Variants in BEND7 observed in about 807,000 individuals in gnomAD.
The protein encoded by BEND7 is BEN domain-containing protein 7.
BEND7 carries 28 observed loss-of-function variants against 50.9 expected under a neutral mutation model. That is an observed-to-expected ratio of 0.55 (90% confidence interval 0.41 to 0.75). BEND7 has a LOEUF of 0.75. BEND7 is among the 30% of genes least tolerant of loss of function. The probability of loss-of-function intolerance (pLI) is 0.00; values close to 1 mark genes in which losing one functional copy is unlikely to be tolerated. For missense variants in BEND7, 477 were observed against 491.3 expected, an observed-to-expected ratio of 0.97 and a Z score of 0.28; for synonymous variants, 170 against 183.9, an observed-to-expected ratio of 0.92 and a Z score of 0.61.
chr10:13,490,762 A>G (rs1387343600), intron 5 of BEND7, among the ~76,000 whole-genome samples: 1 of 152,134 alleles, frequency 6.6e-6, no homozygotes, highest in African/African-American at 2.4e-5. Flanking sequence ...CAGCTGTTCT[A>G]GCAACACTGG....
chr10:13,439,470 A>C (rs754496069), downstream of BEND7: 41 of 1,612,164 alleles, frequency 2.5e-5, no homozygotes, highest in Non-Finnish European at 3.3e-5. Flanking sequence ...CCCACCCGGC[A>C]GAACAGTGCA....
chr10:13,474,197 C>T lies in BEND7; in HGVS notation c.1063+6702G>A, dbSNP rs140438184. On this transcript the variant is annotated intron_variant, in intron 6 of 8. Transcript: ENST00000466271. ...TAGATTTCGGGTCAATATCCATCAT[C>T]GCTGTTAGACTCGGGGCCGACATCC... Among the ~76,000 whole-genome samples, 647 of 151,780 alleles carry T rather than the reference C, an allele frequency of 4.3e-3. 4 individuals are homozygous for T. The highest frequency in any genetic ancestry group is 7.2e-3 in the Non-Finnish European group (490 of 67,924).
chr10:13,528,556 G>A lies in BEND7; in HGVS notation c.-23C>T, dbSNP rs2079566597. 8 of 1,006,562 alleles carry A rather than the reference G, an allele frequency of 7.9e-6. No homozygotes were observed. Among genetic ancestry groups the A allele is most frequent in the Non-Finnish European group, 9.5e-6 (8 of 846,064 alleles). 62.4% of individuals were successfully genotyped at this position (1,006,562 alleles called of 1,614,324 possible). A position where few individuals can be genotyped will look rare whatever the true frequency, so the allele number is the denominator to read the frequency against. ...CATGGTGCGGGGAAGGCGGCGGCGG[G>A]GGCTGAGGAGGCGGCGGCAGCGGCG... On this transcript the variant is annotated 5_prime_UTR_variant, in exon 1 of 9. Transcript: ENST00000466271.
chr10:13,523,270 G>A lies in BEND7; in HGVS notation c.145+2868C>T, dbSNP rs536738590. Among the ~76,000 whole-genome samples the A allele has an allele frequency of 8.5e-5, 13 of 152,316 alleles. No individual in the cohort carries two copies. The East Asian group carries it at 1.5e-3, about 18-fold the overall frequency. On this transcript the variant is annotated intron_variant, in intron 2 of 8. Transcript: ENST00000466271. ...GTCAATGTCCACAGGGTAAAGTAAC[G>A]TCTTCTGACCCTATTATCCAATTAA...
At chr10:13,449,092 CA>C (rs1837113371) in intron 7 of BEND7, among the ~76,000 whole-genome samples, 1 of 151,814 alleles carries the variant, frequency 6.6e-6, no homozygotes, top group African/African-American at 2.4e-5. Context: ...AAATATGGCA[CA>C]TACTGAAATG....
intron 6 of BEND7, among the ~76,000 whole-genome samples, chr10:13,469,703 T>C (rs1369932744): frequency 6.6e-6 from 1 of 152,124 alleles, no homozygotes; most frequent in Non-Finnish European, 1.5e-5. Flanking sequence ...TCTCAATCTC[T>C]CGACCTCATG....
chr10:13,483,863 G>A (rs1398957498), intron 5 of BEND7, among the ~76,000 whole-genome samples: 2 of 152,172 alleles, frequency 1.3e-5, no homozygotes, highest in Admixed American at 6.5e-5. Context: ...CTCAGGAGGG[G>A]ATAGGACAGT....
At chr10:13,490,872 C>T (rs893120767) in intron 5 of BEND7, among the ~76,000 whole-genome samples, 12 of 151,906 alleles carry the variant, frequency 7.9e-5, no homozygotes, top group African/African-American at 1.9e-4. Flanking sequence ...GGTGTAATCT[C>T]GGCTCACTGC....
intron 7 of BEND7, among the ~76,000 whole-genome samples, chr10:13,450,410 G>C (rs894807352): frequency 1.3e-5 from 2 of 152,194 alleles, no homozygotes; most frequent in African/African-American, 2.4e-5. Flanking sequence ...GGTTCCTATC[G>C]GCATCATGGA....
At chr10:13,479,150 G>A (rs973231064) in intron 6 of BEND7, among the ~76,000 whole-genome samples, 1 of 151,958 alleles carries the variant, frequency 6.6e-6, no homozygotes, top group Non-Finnish European at 1.5e-5. Context: ...GGGACTACAG[G>A]TGTGCATCAT....
At chr10:13,500,513 C>A in intron 2 of BEND7, 1 of 991,860 alleles carries the variant, frequency 1.0e-6, no homozygotes, top group Non-Finnish European at 1.2e-6. Flanking sequence ...TGCTCACTGT[C>A]TGTCAGCTTC....
upstream of BEND7, among the ~76,000 whole-genome samples, chr10:13,529,236 G>T (rs1263080265): frequency 6.8e-6 from 1 of 147,730 alleles, no homozygotes; most frequent in Admixed American, 6.7e-5. Flanking sequence ...CCCCGGGGAC[G>T]ACGCCGCCGC....
chr10:13,499,720 G>A, intron 3 of BEND7, 58 bp downstream of exon 3: 1 of 880,320 alleles, frequency 1.1e-6, no homozygotes. Flanking sequence ...TGAATATTTA[G>A]AAATAGAACA....
At chr10:13,509,538 G>A (rs1016475751) in intron 2 of BEND7, among the ~76,000 whole-genome samples, 14 of 152,164 alleles carry the variant, frequency 9.2e-5, no homozygotes, top group Admixed American at 7.9e-4. Flanking sequence ...CTGAGGGAAC[G>A]CATGATCAAT....
At chr10:13,486,781 C>T (rs1412931907) in intron 5 of BEND7, among the ~76,000 whole-genome samples, 1 of 152,166 alleles carries the variant, frequency 6.6e-6, no homozygotes, top group Non-Finnish European at 1.5e-5. Context: ...GAGACATTCC[C>T]GTCTTTTAGA....
At chr10:13,442,951 G>A (rs1172618376) in intron 8 of BEND7, 1 of 152,132 alleles carries the variant, frequency 6.6e-6, no homozygotes, top group African/African-American at 2.4e-5. Context: ...TGCTCTCTCA[G>A]CACTGGAAAG....
intron 5 of BEND7, among the ~76,000 whole-genome samples, chr10:13,484,638 C>T (rs540835275): frequency 3.5e-4 from 53 of 152,124 alleles, no homozygotes; most frequent in Middle Eastern, 3.4e-3. Flanking sequence ...AAGTAGAAAG[C>T]GAATATGTTA....
At chr10:13,474,610 G>C (rs985453685) in intron 6 of BEND7, among the ~76,000 whole-genome samples, 8 of 151,802 alleles carry the variant, frequency 5.3e-5, no homozygotes, top group African/African-American at 1.9e-4. Flanking sequence ...GTTGGACTCG[G>C]GTCGATACCC....
At chr10:13,506,140 C>A (rs1377078544) in intron 2 of BEND7, among the ~76,000 whole-genome samples, 1 of 152,088 alleles carries the variant, frequency 6.6e-6, no homozygotes, top group African/African-American at 2.4e-5. Context: ...GTTTTCCCGG[C>A]CCACTGACCC....
Sources: allele counts gnomAD v4.1 joint callset (sites outside exome capture counted in the v4.1 genomes callset), GRCh38; gene constraint gnomAD v4.1.1; transcripts MANE v1.5; gene names NCBI Gene and HGNC (gene_info 2026-07-23, HGNC 2026-07-21).